SKAP1: variants seen among roughly 807,000 people sequenced by gnomAD.
SKAP1 encodes src kinase associated phosphoprotein 1.
A neutral mutation model predicts 58.5 loss-of-function variants in SKAP1; 44 were observed. The ratio of observed to expected loss-of-function variants is 0.75; its 90% CI spans 0.59 to 0.97. SKAP1 has a LOEUF of 0.97. Among genes scored for constraint, SKAP1 ranks in the 50% least tolerant of loss-of-function variants. The pLI, the probability that SKAP1 is intolerant of heterozygous loss-of-function variation, is 0.00. For synonymous variants in SKAP1, 127 were observed against 149.7 expected (o/e 0.85, Z 1.11); for missense variants, 390 against 435.2 (o/e 0.90, Z 0.92).
In SKAP1 at chr17:48,353,140, G is replaced by A. The variant is rs111933451; in HGVS notation, c.179-7134C>T. On this transcript the variant is annotated intron_variant, in intron 3 of 12. Coordinates refer to ENST00000336915, the MANE Select transcript of SKAP1 (RefSeq NM_003726.4). ...CAATTCATAGTTGAAATTTATTATCGAGTAATGTAGTAATTTTTTCAAAAT... is the reference window on the plus strand; with the variant it reads ...CAATTCATAGTTGAAATTTATTATCAAGTAATGTAGTAATTTTTTCAAAAT... Among the ~76,000 whole-genome samples the A allele has an allele frequency of 4.0e-3, 614 of 152,204 alleles. 8 individuals carry two copies. Among genetic ancestry groups the A allele is most frequent in the African/African-American group, 0.014 (585 of 41,534 alleles).
At chr17:48,439,625 G>A in the SKAP1 span, among the ~76,000 whole-genome samples, 1 of 152,176 alleles carries the variant, frequency 6.6e-6, no homozygotes, top group Non-Finnish European at 1.5e-5. Flanking sequence ...ACAGTGCTAT[G>A]GGGTCTTTAG....
chr17:48,221,494 G>C (rs1207177138), intron 4 of SKAP1, among the ~76,000 whole-genome samples: 1 of 152,122 alleles, frequency 6.6e-6, no homozygotes, highest in Non-Finnish European at 1.5e-5. Flanking sequence ...AAAAATCCTA[G>C]AGAAATTACA....
chr17:48,329,656 G>C (rs191696524), intron 4 of SKAP1, among the ~76,000 whole-genome samples: 265 of 152,302 alleles, frequency 1.7e-3, no homozygotes, highest in African/African-American at 6.1e-3. Flanking sequence ...GCAGTGAGCC[G>C]AGATCGGGCC....
chr17:48,377,036 C>G (rs376118563), intron 2 of SKAP1, among the ~76,000 whole-genome samples: 1 of 152,012 alleles, frequency 6.6e-6, no homozygotes, highest in African/African-American at 2.4e-5. Flanking sequence ...AGCCTAGCAC[C>G]CCAAAGCAGT....
At chr17:48,181,798 C>T (rs2064372691) in intron 8 of SKAP1, among the ~76,000 whole-genome samples, 1 of 152,128 alleles carries the variant, frequency 6.6e-6, no homozygotes, top group Non-Finnish European at 1.5e-5. Context: ...ATAAGGCTTC[C>T]CTGGCCATTG....
At chr17:48,359,200 A>G (rs7210959) in intron 3 of SKAP1, among the ~76,000 whole-genome samples, 26,223 of 152,130 alleles carry the variant, frequency 0.17, 2,321 homozygotes, top group Non-Finnish European at 0.19. Context: ...CCATATATAC[A>G]TCATTCAGCT....
At position 48,254,833 on chromosome 17, in the gene SKAP1, C is replaced by G. The variant is rs189006055; in HGVS notation, c.281-65333G>C. On this transcript the variant is annotated intron_variant, in intron 4 of 12. Transcript: ENST00000336915. ...AAATTCCAAGCAATAAGGATGTAAA[C>G]TTCAATAATACAAGCAAATACAATT... Among the ~76,000 whole-genome samples the G allele has an allele frequency of 3.3e-5, 5 of 151,992 alleles. No homozygotes were observed. The East Asian group carries it at 9.7e-4, about 29-fold the overall frequency.
At chr17:48,217,578 C>T (rs761740959) in intron 4 of SKAP1, among the ~76,000 whole-genome samples, 3 of 151,906 alleles carry the variant, frequency 2.0e-5, no homozygotes, top group East Asian at 1.9e-4. Flanking sequence ...GCCAAGAGGT[C>T]GAGACTGCAG....
At chr17:48,444,783 G>A in the SKAP1 span, among the ~76,000 whole-genome samples, 1 of 152,218 alleles carries the variant, frequency 6.6e-6, no homozygotes. Context: ...CCAGCGACAG[G>A]AGGAAGCCCA....
chr17:48,227,624 T>C (rs954659760), intron 4 of SKAP1, among the ~76,000 whole-genome samples: 12 of 152,216 alleles, frequency 7.9e-5, no homozygotes, highest in Admixed American at 7.2e-4. Context: ...GCAGAGAGGA[T>C]TGGCATTTTG....
At chr17:48,409,870 G>A (rs1160046281) in intron 1 of SKAP1, among the ~76,000 whole-genome samples, 1 of 152,088 alleles carries the variant, frequency 6.6e-6, no homozygotes, top group Non-Finnish European at 1.5e-5. Context: ...CTTAATGCCT[G>A]CAAATTTCAA....
intron 4 of SKAP1, among the ~76,000 whole-genome samples, chr17:48,300,172 A>C (rs532932558): frequency 2.0e-4 from 30 of 152,308 alleles, no homozygotes; most frequent in African/African-American, 7.2e-4. Flanking sequence ...GGGCTCTGCC[A>C]TTCTCAGTCA....
At chr17:48,179,028 C>T (rs1029876434) in intron 9 of SKAP1, among the ~76,000 whole-genome samples, 6 of 152,092 alleles carry the variant, frequency 3.9e-5, no homozygotes, top group South Asian at 2.1e-4. Context: ...GAGGGTTGGA[C>T]GCTCTTCTTA....
At chr17:48,381,465 G>A (rs903929932) in intron 2 of SKAP1, among the ~76,000 whole-genome samples, 10 of 152,176 alleles carry the variant, frequency 6.6e-5, no homozygotes, top group Non-Finnish European at 1.3e-4. Context: ...CCACGGCCAA[G>A]TCATGATGCC....
At chr17:48,207,314 C>T (rs182186654) in intron 4 of SKAP1, among the ~76,000 whole-genome samples, 8 of 151,880 alleles carry the variant, frequency 5.3e-5, no homozygotes, top group Admixed American at 5.2e-4. Flanking sequence ...ATGCAGAAAC[C>T]ATCTCTACTA....
intron 9 of SKAP1, among the ~76,000 whole-genome samples, chr17:48,174,180 A>G (rs2064255207): frequency 6.6e-6 from 1 of 152,178 alleles, no homozygotes; most frequent in Non-Finnish European, 1.5e-5. Context: ...TAGAGCTTTT[A>G]TATCATTCAC....
At chr17:48,344,890 C>T (rs553804557) in intron 4 of SKAP1, among the ~76,000 whole-genome samples, 5 of 152,200 alleles carry the variant, frequency 3.3e-5, no homozygotes, top group South Asian at 2.1e-4. Flanking sequence ...GAGAGTAAAA[C>T]AGAAATTATA....
At chr17:48,361,601 C>T (rs2066940243) in intron 3 of SKAP1, among the ~76,000 whole-genome samples, 1 of 152,278 alleles carries the variant, frequency 6.6e-6, no homozygotes, top group South Asian at 2.1e-4. Flanking sequence ...AGGCACCAGA[C>T]CTGGTTTAGT....
At chr17:48,144,308 C>A (rs780964973) in intron 11 of SKAP1, among the ~76,000 whole-genome samples, 1 of 152,130 alleles carries the variant, frequency 6.6e-6, no homozygotes, top group African/African-American at 2.4e-5. Context: ...AAATTTCTAA[C>A]CTTCTCTCCC....
Sources: allele counts gnomAD v4.1 joint callset (sites outside exome capture counted in the v4.1 genomes callset), GRCh38; gene constraint gnomAD v4.1.1; transcripts MANE v1.5; gene names NCBI Gene and HGNC (gene_info 2026-07-23, HGNC 2026-07-21).